ITPR2: variants seen among roughly 807,000 people sequenced by gnomAD.
ITPR2 encodes the protein inositol 1,4,5-trisphosphate receptor type 2.
ITPR2 carries 207 observed loss-of-function variants against 317.1 expected under a neutral mutation model. The ratio of observed to expected loss-of-function variants is 0.65; its 90% CI spans 0.58 to 0.73. The LOEUF (loss-of-function observed/expected upper bound fraction) is 0.73. Among genes scored for constraint, ITPR2 ranks in the 30% least tolerant of loss-of-function variants. The probability of loss-of-function intolerance (pLI) is 0.00; values close to 1 mark genes in which losing one functional copy is unlikely to be tolerated. For synonymous variants in ITPR2, 1,156 were observed against 1,149.1 expected, an observed-to-expected ratio of 1.01 and a Z score of -0.12; for missense variants, 2,613 against 3,284.0, an observed-to-expected ratio of 0.80 and a Z score of 4.99.
At chr12:26,413,153 C>T (rs1246440141) in intron 51 of ITPR2, among the ~76,000 whole-genome samples, 1 of 152,240 alleles carries the variant, frequency 6.6e-6, no homozygotes, top group African/African-American at 2.4e-5. Context: ...TTTTCTAAGA[C>T]ACCAATTTTC....
intron 28 of ITPR2, 24 bp from the exon 29 acceptor site, chr12:26,600,133 G>A (rs1591948004): frequency 2.5e-6 from 4 of 1,592,358 alleles, no homozygotes; most frequent in Middle Eastern, 3.3e-4. Context: ...AATAGCACAT[G>A]ATAGAAACAA....
At chr12:26,737,154 C>T (rs899351938) in intron 2 of ITPR2, among the ~76,000 whole-genome samples, 2 of 152,274 alleles carry the variant, frequency 1.3e-5, no homozygotes, top group East Asian at 3.9e-4. Context: ...TTGTACTCAT[C>T]ATGTTGAGGC....
intron 41 of ITPR2, 118 bp downstream of exon 41, chr12:26,485,986 G>T: frequency 9.0e-7 from 1 of 1,106,504 alleles, no homozygotes; most frequent in Non-Finnish European, 1.3e-6. Flanking sequence ...GAGCACTATT[G>T]CTTTTATTGA....
At chr12:26,488,031 C>T (rs778128023) in intron 39 of ITPR2, among the ~76,000 whole-genome samples, 2 of 151,788 alleles carry the variant, frequency 1.3e-5, no homozygotes, top group African/African-American at 4.8e-5. Context: ...GAAGATTTAC[C>T]CTAATTCTTG....
rs1942594157 is a variant in ITPR2 at position 26,483,679 on chromosome 12, CA to C, written c.6012+18del. On this transcript the variant is annotated intron_variant, in intron 42 of 56. Transcript: ENST00000381340. ...CAAATTAATCCCTTTACTAATTAGTCATGGATACTTCTGGTTACCTGATTTT... is the reference window on the plus strand; with the variant it reads ...CAAATTAATCCCTTTACTAATTAGTCTGGATACTTCTGGTTACCTGATTTT... 2 of 1,573,222 alleles carry C rather than the reference CA, an allele frequency of 1.3e-6. No homozygotes were observed. The highest frequency in any genetic ancestry group is 1.7e-6 in the Non-Finnish European group (2 of 1,142,858).
intron 52 of ITPR2, among the ~76,000 whole-genome samples, chr12:26,403,837 T>C (rs989967052): frequency 2.0e-5 from 3 of 151,888 alleles, no homozygotes; most frequent in South Asian, 2.1e-4. Flanking sequence ...GGTAGAAAAA[T>C]GTATGCTTGT....
chr12:26,608,819 A>C (rs1332798781), intron 26 of ITPR2, among the ~76,000 whole-genome samples: 1 of 151,520 alleles, frequency 6.6e-6, no homozygotes, highest in Admixed American at 6.6e-5. Flanking sequence ...TCAGGAACCT[A>C]TTATCATACA....
intron 37 of ITPR2, among the ~76,000 whole-genome samples, chr12:26,543,953 T>A (rs75155190): frequency 0.027 from 4,105 of 152,286 alleles, 126 homozygotes; most frequent in African/African-American, 0.073. Flanking sequence ...CTCAGACTTG[T>A]TAGGGTTGTT....
In ITPR2 at chr12:26,411,319, C is replaced by A; in HGVS notation, c.7399+1G>T. 1 of 1,609,486 alleles carries A rather than the reference C, an allele frequency of 6.2e-7. No homozygotes were observed. The highest frequency in any genetic ancestry group is 1.1e-5 in the South Asian group (1 of 90,980). ...ACTGACCCAGAGTCCTTTCTACAAACCTGTATTTGAAGCTGGAATTGTGGG... is the reference window on the plus strand; with the variant it reads ...ACTGACCCAGAGTCCTTTCTACAAAACTGTATTTGAAGCTGGAATTGTGGG... On this transcript the variant is annotated splice_donor_variant, in intron 52 of 56. Transcript: ENST00000381340. LOFTEE classifies it high-confidence loss of function.
At chr12:26,737,380 T>G (rs920764561) in intron 2 of ITPR2, among the ~76,000 whole-genome samples, 3 of 152,180 alleles carry the variant, frequency 2.0e-5, no homozygotes, top group African/African-American at 7.2e-5. Flanking sequence ...CTCAGCCTCC[T>G]GAGTAGCTGG....
At chr12:26,668,804 T>C in intron 13 of ITPR2, among the ~76,000 whole-genome samples, 1 of 138,268 alleles carries the variant, frequency 7.2e-6, no homozygotes. Context: ...TAGGTGGATA[T>C]ACCAAAAAAA....
intron 2 of ITPR2, among the ~76,000 whole-genome samples, chr12:26,769,306 C>T (rs147760589): frequency 6.6e-6 from 1 of 152,274 alleles, no homozygotes; most frequent in African/African-American, 2.4e-5. Context: ...AACATTGCCA[C>T]CCACCAGCAA....
Position 26,414,050 on chromosome 12 carries a change from T to C in ITPR2, c.7306+1253A>G, listed in dbSNP as rs59874037. On this transcript the variant is annotated intron_variant, in intron 51 of 56. Coordinates refer to ENST00000381340, the MANE Select transcript of ITPR2 (RefSeq NM_002223.4). ...AGCAGATAGTCTACATGTATATATG[T>C]ACACACACACACACACACACACACA... Among the ~76,000 whole-genome samples the C allele has an allele frequency of 0.013, 1,833 of 138,190 alleles. 80 individuals carry two copies. In the East Asian group the frequency reaches 0.14, roughly 11 times the overall value. 90.7% of individuals were successfully genotyped at this position (138,190 alleles called of 152,430 possible). A position where few individuals can be genotyped will look rare whatever the true frequency, so the allele number is the denominator to read the frequency against.
chr12:26,419,942 G>A (rs767723276), intron 49 of ITPR2: 1 of 152,008 alleles, frequency 6.6e-6, no homozygotes, highest in Non-Finnish European at 1.5e-5. Context: ...TAAATATAAT[G>A]TATGTATGTA....
intron 49 of ITPR2, among the ~76,000 whole-genome samples, chr12:26,423,354 C>T (rs960104301): frequency 6.6e-6 from 1 of 152,144 alleles, no homozygotes; most frequent in Non-Finnish European, 1.5e-5. Context: ...TAACTAGGGA[C>T]ATTACCCTAT....
intron 42 of ITPR2, 28 bp from the exon 43 acceptor site, chr12:26,481,269 C>T: frequency 1.6e-6 from 2 of 1,275,802 alleles, no homozygotes; most frequent in Non-Finnish European, 2.3e-6. Context: ...TGTAAAATAT[C>T]ATTTTATTCA....
At chr12:26,348,330 TG>T (rs1489869158) in intron 55 of ITPR2, among the ~76,000 whole-genome samples, 13 of 152,300 alleles carry the variant, frequency 8.5e-5, no homozygotes, top group African/African-American at 3.1e-4. Flanking sequence ...CATTTGGTTA[TG>T]GGGCGTGGTT....
intron 12 of ITPR2, 117 bp from the exon 13 acceptor site, chr12:26,682,151 G>C: frequency 1.2e-6 from 1 of 808,926 alleles, no homozygotes; most frequent in Non-Finnish European, 2.0e-6. Flanking sequence ...TCCGAACACA[G>C]TAACTCCCAC....
intron 37 of ITPR2, among the ~76,000 whole-genome samples, chr12:26,545,555 T>C (rs754478529): frequency 1.3e-5 from 2 of 152,212 alleles, no homozygotes; most frequent in African/African-American, 2.4e-5. Flanking sequence ...ACCTTGATTT[T>C]AAGCTCTTGA....
Sources: allele counts gnomAD v4.1 joint callset (sites outside exome capture counted in the v4.1 genomes callset), GRCh38; gene constraint gnomAD v4.1.1; transcripts MANE v1.5; gene names NCBI Gene and HGNC (gene_info 2026-07-23, HGNC 2026-07-21).